Variants in CASK observed in about 807,000 individuals in gnomAD.
CASK encodes the protein calcium/calmodulin dependent serine protein kinase, also known as peripheral plasma membrane protein CASK.
CASK carries 4 observed loss-of-function variants against 82.9 expected under a neutral mutation model. The observed-to-expected ratio is 0.05, with a 90% CI of 0.02 to 0.11. The LOEUF is 0.11. CASK is among the 10% of genes least tolerant of loss of function. The probability of loss-of-function intolerance (pLI) is 1.00; values close to 1 mark genes in which losing one functional copy is unlikely to be tolerated. For missense variants in CASK, 358 were observed against 720.9 expected, an observed-to-expected ratio of 0.50 and a Z score of 5.76; for synonymous variants, 259 against 253.5, an observed-to-expected ratio of 1.02 and a Z score of -0.20.
At chrX:41,528,099 C>T (rs2064740112) in intron 25 of CASK, among the ~76,000 whole-genome samples, 1 of 112,366 alleles carries the variant, frequency 8.9e-6, no homozygotes, top group African/African-American at 3.2e-5. Context: ...AAAATCAACA[C>T]AGTTCAACTT....
chrX:41,674,958 TA>T (rs1176911986), intron 5 of CASK, among the ~76,000 whole-genome samples: 11 of 104,425 alleles, frequency 1.1e-4, no homozygotes, highest in Admixed American at 2.1e-4. Context: ...GCAAAAAACC[TA>T]AAAAAAAAAA....
chrX:41,666,668 T>C (rs2067122493), intron 6 of CASK, among the ~76,000 whole-genome samples: 1 of 111,791 alleles, frequency 8.9e-6, no homozygotes, highest in Non-Finnish European at 1.9e-5. Flanking sequence ...GCAGATCATA[T>C]GGTTTCCCTT....
intron 3 of CASK, among the ~76,000 whole-genome samples, chrX:41,785,443 G>A (rs746827037): frequency 8.9e-6 from 1 of 111,895 alleles, no homozygotes; most frequent in African/African-American, 3.2e-5. Context: ...AATGGTCCAG[G>A]GTGAACGGGA....
intron 5 of CASK, among the ~76,000 whole-genome samples, chrX:41,687,232 C>T (rs1423734040): frequency 8.9e-6 from 1 of 112,341 alleles, no homozygotes; most frequent in Admixed American, 9.4e-5. Flanking sequence ...CTGCTAGGAT[C>T]TTGAAGAGAT....
chrX:41,804,075 C>A (rs1268765554), intron 2 of CASK, among the ~76,000 whole-genome samples: 1 of 111,588 alleles, frequency 9.0e-6, no homozygotes, highest in Non-Finnish European at 1.9e-5. Flanking sequence ...TGGCCAGGCG[C>A]GGTGACTCAT....
intron 24 of CASK, among the ~76,000 whole-genome samples, 182 bp downstream of exon 24, chrX:41,534,521 CTTA>C (rs947271986): frequency 3.6e-5 from 4 of 110,208 alleles, no homozygotes; most frequent in African/African-American, 1.3e-4. Context: ...ATTTATAGCA[CTTA>C]TTATAGGGAA....
chrX:41,575,903 G>A (rs1256177794), intron 15 of CASK, among the ~76,000 whole-genome samples: 1 of 110,963 alleles, frequency 9.0e-6, no homozygotes, highest in African/African-American at 3.3e-5. Flanking sequence ...ACCATTTTAC[G>A]CTTTCTGAAA....
intron 2 of CASK, among the ~76,000 whole-genome samples, chrX:41,801,090 G>A (rs36110982): frequency 1.8e-5 from 2 of 111,484 alleles, no homozygotes; most frequent in Non-Finnish European, 3.8e-5. Flanking sequence ...GCAAAATGCA[G>A]AAAAGTGTGA....
At chrX:41,681,659 G>A (rs2067357171) in intron 5 of CASK, among the ~76,000 whole-genome samples, 1 of 111,640 alleles carries the variant, frequency 9.0e-6, no homozygotes, top group African/African-American at 3.3e-5. Context: ...GATGCTAGAA[G>A]TGCTCCTAAG....
chrX:41,656,149 G>C (rs1432869093), intron 8 of CASK, among the ~76,000 whole-genome samples: 1 of 112,128 alleles, frequency 8.9e-6, no homozygotes, highest in African/African-American at 3.2e-5. Context: ...AACGGGTACT[G>C]CAACAGTGCA....
At chrX:41,593,663 T>C in intron 12 of CASK, among the ~76,000 whole-genome samples, 1 of 112,081 alleles carries the variant, frequency 8.9e-6, no homozygotes, top group Non-Finnish European at 1.9e-5. Context: ...ATGCATAATA[T>C]GTCAACCTTC....
intron 5 of CASK, among the ~76,000 whole-genome samples, chrX:41,712,283 T>G (rs1299346653): frequency 2.7e-5 from 3 of 112,476 alleles, no homozygotes; most frequent in Non-Finnish European, 5.6e-5. Flanking sequence ...ACTGGTTGCA[T>G]GAGGGTATGC....
intron 1 of CASK, among the ~76,000 whole-genome samples, chrX:41,892,342 T>C (rs973362010): frequency 1.8e-5 from 2 of 109,702 alleles, no homozygotes; most frequent in African/African-American, 6.7e-5. Context: ...GGTTCTCTTT[T>C]TTTTCTTTTC....
At chrX:41,532,575 T>C (rs751715529) in intron 24 of CASK, among the ~76,000 whole-genome samples, 1 of 110,556 alleles carries the variant, frequency 9.0e-6, no homozygotes, top group Non-Finnish European at 1.9e-5. Flanking sequence ...CCCTTTCTTT[T>C]CTCCCTTCCT....
intron 3 of CASK, among the ~76,000 whole-genome samples, chrX:41,780,535 T>G (rs2147816799): frequency 8.9e-6 from 1 of 112,387 alleles, no homozygotes; most frequent in African/African-American, 3.2e-5. Flanking sequence ...AATTTGAAAT[T>G]TACTAATCTA....
At chrX:41,777,922 CA>C in intron 3 of CASK, among the ~76,000 whole-genome samples, 1 of 111,228 alleles carries the variant, frequency 9.0e-6, no homozygotes, top group East Asian at 2.8e-4. Context: ...TAATTATGTA[CA>C]AGATATTAAT....
At chrX:41,727,084 A>G (rs1355446781) in intron 5 of CASK, 4 of 1,165,354 alleles carry the variant, frequency 3.4e-6, no homozygotes, top group East Asian at 6.0e-5. Flanking sequence ...GGCTTTACCA[A>G]TCATTTACAT....
At chrX:41,598,164 G>C (rs1334177760) in intron 12 of CASK, among the ~76,000 whole-genome samples, 3 of 104,485 alleles carry the variant, frequency 2.9e-5, no homozygotes, top group Admixed American at 2.0e-4. Context: ...CACACACACA[G>C]AGTCCTTTCA....
rs756179964 is a variant in CASK at position 41,517,678 on chromosome X, G to GA, written c.*2741dup. 238 of 452,415 alleles carry GA rather than the reference G, an allele frequency of 5.3e-4. No homozygotes were observed. Among genetic ancestry groups the GA allele is most frequent in the East Asian group, 2.9e-3 (71 of 24,640 alleles). The allele number at this position is 452,415 out of a possible 1,213,427, so 37.3% of individuals were successfully genotyped here. A position where few individuals can be genotyped will look rare whatever the true frequency, so the allele number is the denominator to read the frequency against. ...CATTCTGGTCTTTAAAAGAAAGAAA[G>GA]AAAAAAAAAGGTTCTGCTGATGGAA... On this transcript the variant is annotated 3_prime_UTR_variant, in exon 27 of 27. Transcript: ENST00000378163.
Sources: gnomAD v4.1 joint callset for allele counts (sites outside exome capture counted in the v4.1 genomes callset) on GRCh38, gnomAD v4.1.1 for gene constraint, MANE v1.5 for transcripts, NCBI Gene and HGNC (gene_info 2026-07-23, HGNC 2026-07-21) for gene names.